Variants in MED12L observed in about 807,000 individuals in gnomAD.
MED12L encodes the protein mediator of RNA polymerase II transcription subunit 12-like protein.
Under a neutral mutation model 281.3 loss-of-function variants are expected in MED12L, and 60 were observed. The observed-to-expected ratio is 0.21, with a 90% CI of 0.17 to 0.26. The LOEUF is 0.26. Among genes scored for constraint, MED12L ranks in the 10% least tolerant of loss-of-function variants. The probability of loss-of-function intolerance (pLI) is 1.00; values close to 1 mark genes in which losing one functional copy is unlikely to be tolerated. For missense variants in MED12L, 2,146 were observed against 2,680.9 expected (o/e 0.80, Z 4.41); for synonymous variants, 974 against 987.2 (o/e 0.99, Z 0.25).
chr3:151,374,791 T>C (rs1756623743), intron 27 of MED12L, among the ~76,000 whole-genome samples: 1 of 152,054 alleles, frequency 6.6e-6, no homozygotes, highest in African/African-American at 2.4e-5. Context: ...GGCTATAGAA[T>C]AGCTTACTTT....
intron 16 of MED12L, among the ~76,000 whole-genome samples, chr3:151,311,881 C>T (rs569131342): frequency 1.4e-4 from 22 of 152,030 alleles, no homozygotes; most frequent in Non-Finnish European, 2.4e-4. Flanking sequence ...AAAAATTAGC[C>T]GGGTGTGGTG....
At chr3:151,195,170 A>G (rs1724488526) in intron 16 of MED12L, among the ~76,000 whole-genome samples, 1 of 152,190 alleles carries the variant, frequency 6.6e-6, no homozygotes, top group African/African-American at 2.4e-5. Flanking sequence ...CTCAAAATAG[A>G]AAAAGTAATT....
At chr3:151,238,791 C>T (rs1191879612) in intron 16 of MED12L, among the ~76,000 whole-genome samples, 1 of 151,930 alleles carries the variant, frequency 6.6e-6, no homozygotes, top group African/African-American at 2.4e-5. Flanking sequence ...TTTTGTGTGC[C>T]AAAATATTAA....
intron 16 of MED12L, chr3:151,329,616 C>T: frequency 2.3e-6 from 2 of 853,118 alleles, no homozygotes; most frequent in Non-Finnish European, 3.7e-6. Flanking sequence ...TGTAATGTGA[C>T]CCATTAGAAC....
chr3:151,319,182 G>T (rs1490799160), intron 16 of MED12L, among the ~76,000 whole-genome samples: 1 of 152,058 alleles, frequency 6.6e-6, no homozygotes, highest in Non-Finnish European at 1.5e-5. Flanking sequence ...GTTTAGTCAT[G>T]AAAAAAGTGT....
chr3:151,363,847 T>A (rs781524229), intron 21 of MED12L, among the ~76,000 whole-genome samples: 10 of 152,166 alleles, frequency 6.6e-5, no homozygotes, highest in Admixed American at 2.0e-4. Flanking sequence ...GGAATAGAGC[T>A]GAAACTACAT....
At chr3:151,339,463 T>C (rs918715505) in intron 16 of MED12L, among the ~76,000 whole-genome samples, 2 of 151,982 alleles carry the variant, frequency 1.3e-5, no homozygotes, top group Admixed American at 1.3e-4. Context: ...TTTTTCTTTA[T>C]ATTTGGAAGA....
intron 39 of MED12L, among the ~76,000 whole-genome samples, chr3:151,397,391 G>A (rs762958288): frequency 3.3e-5 from 5 of 152,180 alleles, no homozygotes; most frequent in African/African-American, 7.2e-5. Flanking sequence ...ATGCAGTCAC[G>A]ATGTACAGTG....
At chr3:151,387,047 T>A in intron 36 of MED12L, among the ~76,000 whole-genome samples, 1 of 152,182 alleles carries the variant, frequency 6.6e-6, no homozygotes, top group Admixed American at 6.5e-5. Context: ...CATAAAAGAA[T>A]GCATATAGAT....
At chr3:151,300,324 A>T in intron 16 of MED12L, 1 of 585,742 alleles carries the variant, frequency 1.7e-6, no homozygotes. Flanking sequence ...TTGGAGATGA[A>T]CACCTGGGCC....
At chr3:151,182,407 A>G (rs1313914547) in intron 11 of MED12L, among the ~76,000 whole-genome samples, 1 of 152,212 alleles carries the variant, frequency 6.6e-6, no homozygotes, top group Non-Finnish European at 1.5e-5. Flanking sequence ...GCAGACAGTA[A>G]AATTATAAAT....
chr3:151,263,381 G>A (rs547413723), intron 16 of MED12L, among the ~76,000 whole-genome samples: 1 of 152,288 alleles, frequency 6.6e-6, no homozygotes, highest in East Asian at 1.9e-4. Flanking sequence ...GAACCAGAAG[G>A]AAATGTACAA....
chr3:151,371,060 T>G (rs1756123751), intron 26 of MED12L, among the ~76,000 whole-genome samples: 1 of 152,250 alleles, frequency 6.6e-6, no homozygotes. Flanking sequence ...GCACAGACTC[T>G]CATACCTTCT....
chr3:151,294,191 T>C (rs1167598261), intron 16 of MED12L: 5 of 1,601,682 alleles, frequency 3.1e-6, no homozygotes, highest in Non-Finnish European at 4.3e-6. Flanking sequence ...GTAATCATAA[T>C]ATATGCGAAC....
At chr3:151,278,021 C>T (rs536879484) in intron 16 of MED12L, among the ~76,000 whole-genome samples, 5 of 152,292 alleles carry the variant, frequency 3.3e-5, no homozygotes, top group African/African-American at 1.2e-4. Flanking sequence ...GATATCTCTT[C>T]ATCACAGATA....
intron 8 of MED12L, among the ~76,000 whole-genome samples, chr3:151,160,469 T>C (rs1378520873): frequency 1.3e-5 from 2 of 152,210 alleles, no homozygotes; most frequent in Non-Finnish European, 2.9e-5. Context: ...TGGTTGCCTG[T>C]CTGTGTTTAA....
chr3:151,412,995 A>G (rs1577591944), intron 41 of MED12L, 144 bp from the exon 42 acceptor site: 2 of 852,588 alleles, frequency 2.3e-6, no homozygotes, highest in East Asian at 2.8e-5. Context: ...TATTTTAACC[A>G]CTGGGCTTTA....
At chr3:151,334,860 A>G (rs1457209142) in intron 16 of MED12L, among the ~76,000 whole-genome samples, 1 of 152,162 alleles carries the variant, frequency 6.6e-6, no homozygotes, top group East Asian at 1.9e-4. Flanking sequence ...TGAGCCATGC[A>G]GTCTACATCA....
At chr3:151,122,409 T>C (rs2148773588) in intron 3 of MED12L, among the ~76,000 whole-genome samples, 1 of 152,298 alleles carries the variant, frequency 6.6e-6, no homozygotes, top group Non-Finnish European at 1.5e-5. Context: ...GGCTTTCTCC[T>C]CTCAGGGAAA....
Sources: gnomAD v4.1 joint callset for allele counts (sites outside exome capture counted in the v4.1 genomes callset) on GRCh38, gnomAD v4.1.1 for gene constraint, MANE v1.5 for transcripts, NCBI Gene and HGNC (gene_info 2026-07-23, HGNC 2026-07-21) for gene names.